Variants in PILRA observed in about 807,000 individuals in gnomAD.
The protein encoded by PILRA is paired immunoglobulin-like type 2 receptor alpha.
Under a neutral mutation model 33.1 loss-of-function variants are expected in PILRA, and 37 were observed. That is an observed-to-expected ratio of 1.12 (90% CI 0.86 to 1.47). The LOEUF (loss-of-function observed/expected upper bound fraction) is 1.47. PILRA is among the 40% of genes most tolerant of loss of function. PILRA has a pLI of 0.00. For synonymous variants in PILRA, 146 were observed against 149.9 expected, an observed-to-expected ratio of 0.97 and a Z score of 0.19; for missense variants, 312 against 376.2, an observed-to-expected ratio of 0.83 and a Z score of 1.41.
intron 2 of PILRA, among the ~76,000 whole-genome samples, chr7:100,382,330 A>T (rs1475623106): frequency 6.6e-6 from 1 of 152,182 alleles, no homozygotes; most frequent in African/African-American, 2.4e-5. Context: ...GGGTTTGCAT[A>T]TGCACCAATT....
chr7:100,389,772 G>A (rs919775822), intron 2 of PILRA, 116 bp from the exon 3 acceptor site: 2 of 808,034 alleles, frequency 2.5e-6, no homozygotes, highest in Non-Finnish European at 4.3e-6. Context: ...GTGGGCTTCA[G>A]AGAGGAGCTC....
chr7:100,384,479 G>A (rs1791212105), intron 2 of PILRA, among the ~76,000 whole-genome samples: 1 of 149,404 alleles, frequency 6.7e-6, no homozygotes, highest in African/African-American at 2.5e-5. Context: ...CCAGGCTGGA[G>A]TGCAGTGGCA....
intron 3 of PILRA, among the ~76,000 whole-genome samples, chr7:100,395,313 T>C (rs894869289): frequency 6.6e-6 from 1 of 152,110 alleles, no homozygotes; most frequent in Non-Finnish European, 1.5e-5. Context: ...ATTAATGCCA[T>C]TATAAAAAGG....
intron 2 of PILRA, among the ~76,000 whole-genome samples, chr7:100,377,697 G>T (rs1027088796): frequency 2.6e-5 from 4 of 152,108 alleles, no homozygotes; most frequent in African/African-American, 4.8e-5. Context: ...AGTGAGCCAA[G>T]ATCGCATCAC....
At chr7:100,392,135 C>T (rs1791400903) in intron 3 of PILRA, among the ~76,000 whole-genome samples, 1 of 152,108 alleles carries the variant, frequency 6.6e-6, no homozygotes, top group South Asian at 2.1e-4. Context: ...GTGGTGAAAC[C>T]CTGTCTCTAC....
chr7:100,373,611 T>C lies in PILRA; in HGVS notation c.-46T>C, dbSNP rs1486301816. On this transcript the variant is annotated 5_prime_UTR_variant, in exon 1 of 7. Transcript: ENST00000198536. ...CCCTCCACAGGGCCCCTCTCCTGCC[T>C]GGACGGCTCTGCTGGTCTCCCCGTC... is the stretch of plus-strand genomic sequence containing the variant. 1.2e-6 allele frequency: 2 copies of C among 1,610,980 alleles called. No individual in the cohort carries two copies. Among genetic ancestry groups the C allele is most frequent in the Admixed American group, 1.7e-5 (1 of 59,984 alleles).
At chr7:100,384,127 T>C (rs561020096) in intron 2 of PILRA, among the ~76,000 whole-genome samples, 121 of 151,856 alleles carry the variant, frequency 8.0e-4, no homozygotes, top group African/African-American at 2.8e-3. Flanking sequence ...TGCAGATGGA[T>C]TGGATGTGGG....
rs754761561 is a variant in PILRA at position 100,374,318 on chromosome 7, C to A, written c.339C>A (p.Ser113=). ...AGAAGAGCGGCTTCCTCAGGATCTC[C>A]AACCTGCAGAAGCAGGACCAGTCTG... ...EGQKSGFLRI[S]NLQKQDQSVY... The change falls in exon 2 of 7, where the codon TCC becomes TCA. Residue 113 remains serine, a synonymous_variant. Coordinates refer to ENST00000198536, the MANE Select transcript of PILRA (RefSeq NM_013439.3). 1.7e-5 allele frequency: 28 copies of A among 1,613,958 alleles called. No homozygotes were observed. The South Asian group carries it at 2.0e-4, about 11-fold the overall frequency.
intron 1 of PILRA, 81 bp downstream of exon 1, chr7:100,373,801 G>T: frequency 6.4e-7 from 1 of 1,562,444 alleles, no homozygotes. Context: ...GGGACATCTT[G>T]GGGAGGGCCC....
At chr7:100,390,176 A>G (rs1277633581) in intron 3 of PILRA, 70 bp downstream of exon 3, 5 of 1,365,550 alleles carry the variant, frequency 3.7e-6, no homozygotes, top group Non-Finnish European at 5.2e-6. Context: ...ACCTGCAGCT[A>G]TGGGGCTCCT....
chr7:100,391,642 G>A (rs1485569860), intron 3 of PILRA, among the ~76,000 whole-genome samples: 1 of 152,172 alleles, frequency 6.6e-6, no homozygotes, highest in Non-Finnish European at 1.5e-5. Context: ...AGCCATGATT[G>A]TGCCACTACA....
At chr7:100,385,541 TG>T (rs1266543777) in intron 2 of PILRA, among the ~76,000 whole-genome samples, 1 of 152,252 alleles carries the variant, frequency 6.6e-6, no homozygotes, top group Non-Finnish European at 1.5e-5. Flanking sequence ...CCACATACTA[TG>T]CTGCTCTAGA....
At chr7:100,381,757 C>G (rs768048770) in intron 2 of PILRA, among the ~76,000 whole-genome samples, 1 of 152,064 alleles carries the variant, frequency 6.6e-6, no homozygotes. Context: ...ACCGGGGCTG[C>G]GCGCGGCGCT....
chr7:100,374,140 CCTT>C lies in PILRA; in HGVS notation c.164_166del (p.Phe55del), dbSNP rs747964597. On this transcript the variant is annotated inframe_deletion, in exon 2 of 7. Transcript: ENST00000198536. The stretch of plus-strand genomic sequence containing the variant: ...GGTGGCTCTGTGGAAATCCCCTTCT[CCTT>C]CTATTACCCCTGGGAGTTAGCCACA... 3.1e-6 allele frequency: 5 copies of C among 1,614,154 alleles called. No homozygotes were observed. Among genetic ancestry groups the C allele is most frequent in the Admixed American group, 1.7e-5 (1 of 60,020 alleles).
Position 100,373,642 on chromosome 7 carries a change from GAGA to G in PILRA, c.-10_-8del, listed in dbSNP as rs1790867609. On this transcript the variant is annotated 5_prime_UTR_variant, in exon 1 of 7. Coordinates refer to ENST00000198536, the MANE Select transcript of PILRA (RefSeq NM_013439.3). ...GCTCTGCTGGTCTCCCCGTCCCCTG[GAGA>G]AGAACAAGGCCATGGGTCGGCCCCT... 5 of 1,613,486 alleles carry G rather than the reference GAGA, an allele frequency of 3.1e-6. No individual in the cohort carries two copies. Among genetic ancestry groups the G allele is most frequent in the Non-Finnish European group, 4.2e-6 (5 of 1,179,956 alleles).
intron 2 of PILRA, among the ~76,000 whole-genome samples, chr7:100,388,631 A>G (rs773657730): frequency 1.3e-5 from 2 of 151,716 alleles, no homozygotes; most frequent in African/African-American, 4.8e-5. Flanking sequence ...CTGTGATCCT[A>G]GCTACTCGGG....
intron 2 of PILRA, among the ~76,000 whole-genome samples, chr7:100,383,013 T>C (rs1791152759): frequency 6.6e-6 from 1 of 152,200 alleles, no homozygotes. Flanking sequence ...CAATTCTGTT[T>C]GTGTCAGGTG....
chr7:100,372,095 G>C (rs540686036), upstream of PILRA, among the ~76,000 whole-genome samples: 4 of 152,224 alleles, frequency 2.6e-5, no homozygotes, highest in South Asian at 8.3e-4. Context: ...ACAGCCAGGG[G>C]GTCCCTTGTC....
chr7:100,372,524 A>G (rs1790842536), upstream of PILRA, among the ~76,000 whole-genome samples: 1 of 152,076 alleles, frequency 6.6e-6, no homozygotes, highest in Non-Finnish European at 1.5e-5. Context: ...CCTGTGCACC[A>G]CCAAAGCTCC....
Sources: allele counts gnomAD v4.1 joint callset (sites outside exome capture counted in the v4.1 genomes callset), GRCh38; gene constraint gnomAD v4.1.1; transcripts MANE v1.5; gene names NCBI Gene and HGNC (gene_info 2026-07-23, HGNC 2026-07-21).